Variants in NAA30 observed in about 807,000 individuals in gnomAD.
NAA30 encodes the protein N-alpha-acetyltransferase 30, NatC catalytic subunit, also known as N-alpha-acetyltransferase 30.
NAA30 carries 5 observed loss-of-function variants against 31.4 expected under a neutral mutation model. The observed-to-expected ratio is 0.16, with a 90% CI of 0.08 to 0.33. NAA30 has a LOEUF of 0.33. Ranked by LOEUF, NAA30 falls within the 10% of genes least tolerant of loss-of-function variation. NAA30 has a pLI of 1.00. For missense variants in NAA30, 428 were observed against 490.8 expected (o/e 0.87, Z 1.21); for synonymous variants, 222 against 207.1 (o/e 1.07, Z -0.62).
Position 57,415,219 on chromosome 14 carries a change from A to G in NAA30, c.*5703A>G, listed in dbSNP as rs532796662. ...TGTGTTACATAGTAAATCAATTTGA[A>G]ATTTCTTAAAAACGTTTATAAGACT... On this transcript the variant is annotated 3_prime_UTR_variant, in exon 5 of 5. Coordinates refer to ENST00000556492, the MANE Select transcript of NAA30 (RefSeq NM_001011713.3). The G allele has an allele frequency of 1.3e-5, 2 of 152,340 alleles. No individual in the cohort carries two copies. The highest frequency in any genetic ancestry group is 2.1e-4 in the South Asian group (1 of 4,832). 9.4% of individuals were successfully genotyped at this position (152,340 alleles called of 1,614,324 possible). A position where few individuals can be genotyped will look rare whatever the true frequency, so the allele number is the denominator to read the frequency against.
In NAA30 at chr14:57,399,472, A is replaced by G. The variant is rs2066464534; in HGVS notation, c.896-356A>G. Among the ~76,000 whole-genome samples, 3 of 152,192 alleles carry G rather than the reference A, an allele frequency of 2.0e-5. No individual in the cohort carries two copies. The South Asian group carries it at 6.2e-4, about 31-fold the overall frequency. ...TTATGCAGTAAGTTCTGGCCAACTC[A>G]CGGGGAGTTCCTGCGTTGTTCTGGC... On this transcript the variant is annotated intron_variant, in intron 3 of 4. Coordinates refer to ENST00000556492, the MANE Select transcript of NAA30 (RefSeq NM_001011713.3).
At chr14:57,395,598 C>T (rs2066447082) in intron 2 of NAA30, among the ~76,000 whole-genome samples, 1 of 152,088 alleles carries the variant, frequency 6.6e-6, no homozygotes, top group African/African-American at 2.4e-5. Context: ...TCAATGGTAA[C>T]ACTAGAAATC....
rs752722267 is a variant in NAA30 at position 57,404,728 on chromosome 14, T to TA, written c.952-4650dup. Among the ~76,000 whole-genome samples, 117 of 152,264 alleles carry TA rather than the reference T, an allele frequency of 7.7e-4. No individual in the cohort carries two copies. The Middle Eastern group carries it at 0.031, about 40-fold the overall frequency. ...AGGCAAGGAGGAGCAAGTCGCATCT[T>TA]ACGTGGATGGTGGCAGGCAAAGAGA... On this transcript the variant is annotated intron_variant, in intron 4 of 4. Transcript: ENST00000556492.
rs1423502108 is a variant in NAA30 at position 57,391,442 on chromosome 14, C to A, written c.485C>A (p.Pro162His). The change falls in exon 2 of 5, where the codon CCC (proline) becomes CAC (histidine). Residue 162 changes from proline (P) to histidine (H), a missense_variant. Pro to His is a moderately conservative substitution (Grantham distance 77). Transcript: ENST00000556492. The surrounding 1 kb of genome is among the most constrained non-coding windows in gnomAD (Gnocchi z 4.1). The stretch of plus-strand genomic sequence containing the variant: ...GTGGAGGCAGCGGCGGCGAGCGATC[C>A]CGCGGCGGCCCGCAATGGACTGGCC... The part of the protein sequence containing the change: ...SPVEAAAASD[P>H]AAARNGLAEG... 19 of 1,607,514 alleles carry A rather than the reference C, an allele frequency of 1.2e-5. No individual in the cohort carries two copies. The highest frequency in any genetic ancestry group is 1.6e-5 in the Non-Finnish European group (19 of 1,177,254).
Position 57,391,797 on chromosome 14 carries a change from GC to G in NAA30, c.771+72del. The G allele has an allele frequency of 7.6e-7, 1 of 1,309,394 alleles. No individual in the cohort carries two copies. Among genetic ancestry groups the G allele is most frequent in the Non-Finnish European group, 1.1e-6 (1 of 946,158 alleles). 81.1% of individuals were successfully genotyped at this position (1,309,394 alleles called of 1,614,324 possible). On this transcript the variant is annotated intron_variant, in intron 2 of 4. Transcript: ENST00000556492. This position sits in a 1 kb window ranked among gnomAD's most constrained non-coding sequence, Gnocchi z 4.1. ...AGACTGTGCGGGGCAGGGAGTGAGG[GC>G]CCAGAATGTGGCAGTGGATATCTCC...
At chr14:57,409,258 A>G (rs2066512921) in intron 4 of NAA30, 121 bp from the exon 5 acceptor site, 2 of 810,134 alleles carry the variant, frequency 2.5e-6, no homozygotes, top group South Asian at 4.0e-5. Context: ...TCTGTATATT[A>G]TTTATTGTTT....
intron 3 of NAA30, 108 bp downstream of exon 3, chr14:57,396,983 G>GGGAA (rs1320301803): frequency 5.6e-6 from 6 of 1,080,612 alleles, no homozygotes; most frequent in Non-Finnish European, 7.6e-6. Context: ...AAGAAACTAA[G>GGGAA]GGAAGAAAAT....
intron 4 of NAA30, among the ~76,000 whole-genome samples, chr14:57,406,987 G>T (rs1255308646): frequency 1.3e-5 from 2 of 152,032 alleles, no homozygotes; most frequent in Non-Finnish European, 2.9e-5. Context: ...CAACCCCCTC[G>T]GCTCAAGTGA....
At chr14:57,400,451 A>G (rs2066470543) in intron 4 of NAA30, among the ~76,000 whole-genome samples, 1 of 152,192 alleles carries the variant, frequency 6.6e-6, no homozygotes, top group African/African-American at 2.4e-5. Context: ...TGCATGATAA[A>G]TATTGGTGAT....
rs1345452491 is a variant in NAA30 at position 57,390,597 on chromosome 14, G to C, written c.-110G>C. 3.5e-6 allele frequency: 1 copy of C among 289,792 alleles called. No homozygotes were observed. Among genetic ancestry groups the C allele is most frequent in the Non-Finnish European group, 6.4e-6 (1 of 156,620 alleles). 18.0% of individuals were successfully genotyped at this position (289,792 alleles called of 1,614,324 possible). On this transcript the variant is annotated 5_prime_UTR_variant, in exon 1 of 5. Coordinates refer to ENST00000556492, the MANE Select transcript of NAA30 (RefSeq NM_001011713.3). ...AGCTGAGGCGCTTTACGGCGACGGC[G>C]GCTGAGTGAGAACCTTGGCGGCTGT...
rs747944275 is a variant in NAA30, at chr14:57,411,417, C to T, written c.*1901C>T. ...TAATATGAAGGAAATGGAACTAAAACATTTATGTCATCAAATTTTATTTCA... is the reference window on the plus strand; with the variant it reads ...TAATATGAAGGAAATGGAACTAAAATATTTATGTCATCAAATTTTATTTCA... On this transcript the variant is annotated 3_prime_UTR_variant, in exon 5 of 5. Coordinates refer to ENST00000556492, the MANE Select transcript of NAA30 (RefSeq NM_001011713.3). The T allele has an allele frequency of 6.6e-6, 1 of 152,096 alleles. No individual in the cohort carries two copies. Among genetic ancestry groups the T allele is most frequent in the Admixed American group, 6.6e-5 (1 of 15,266 alleles). 9.4% of individuals were successfully genotyped at this position (152,096 alleles called of 1,614,324 possible).
chr14:57,404,843 G>T (rs58369405), intron 4 of NAA30, among the ~76,000 whole-genome samples: 2,157 of 152,240 alleles, frequency 0.014, 61 homozygotes, highest in African/African-American at 0.049. Flanking sequence ...GGAACGACTT[G>T]CCCCATGATT....
chr14:57,390,757 C>T, intron 1 of NAA30, 52 bp downstream of exon 1: 1 of 456,354 alleles, frequency 2.2e-6, no homozygotes, highest in Non-Finnish European at 3.6e-6. Flanking sequence ...TGGGCCCGGG[C>T]GGACGGGGAC....
At chr14:57,393,337 C>T (rs1385793877) in intron 2 of NAA30, among the ~76,000 whole-genome samples, 1 of 152,078 alleles carries the variant, frequency 6.6e-6, no homozygotes, top group Non-Finnish European at 1.5e-5. Flanking sequence ...TGTATGTTAG[C>T]CTTTAGTAGC....
At chr14:57,399,698 G>C in intron 3 of NAA30, 130 bp from the exon 4 acceptor site, 1 of 648,732 alleles carries the variant, frequency 1.5e-6, no homozygotes, top group Non-Finnish European at 2.7e-6. Context: ...CATTTAATTT[G>C]AGGTAATCCG....
In NAA30 at chr14:57,411,141, AATAAAG is replaced by A. The variant is rs1171501377; in HGVS notation, c.*1629_*1634del. The A allele has an allele frequency of 5.2e-5, 8 of 152,424 alleles. No individual in the cohort carries two copies. Among genetic ancestry groups the A allele is most frequent in the African/African-American group, 1.9e-4 (8 of 41,434 alleles). The allele number at this position is 152,424 out of a possible 1,614,324, so 9.4% of individuals were successfully genotyped here. A position where few individuals can be genotyped will look rare whatever the true frequency, so the allele number is the denominator to read the frequency against. ...TGAACATAGTAACAAATACTTTAAA[AATAAAG>A]ATACACAATTTATATTTGAAAATAA... On this transcript the variant is annotated 3_prime_UTR_variant, in exon 5 of 5. Transcript: ENST00000556492.
intron 2 of NAA30, among the ~76,000 whole-genome samples, chr14:57,392,456 A>G (rs1260399488): frequency 6.6e-6 from 1 of 152,122 alleles, no homozygotes; most frequent in Admixed American, 6.5e-5. Context: ...GTGGCCAAAC[A>G]CTAGTAACAC....
rs538294882 is a variant in NAA30, at chr14:57,413,547, G to C, written c.*4031G>C. 1 of 152,434 alleles carries C rather than the reference G, an allele frequency of 6.6e-6. No individual in the cohort carries two copies. Among genetic ancestry groups the C allele is most frequent in the Non-Finnish European group, 1.5e-5 (1 of 68,340 alleles). 9.4% of individuals were successfully genotyped at this position (152,434 alleles called of 1,614,324 possible). On this transcript the variant is annotated 3_prime_UTR_variant, in exon 5 of 5. Transcript: ENST00000556492. ...CACTCTGTTGCCCAGGCTGGAGTGC[G>C]GTGGCACAATCTTGGCTCACTGCAA... is the stretch of plus-strand genomic sequence containing the variant.
intron 4 of NAA30, among the ~76,000 whole-genome samples, chr14:57,407,975 C>T (rs2066506502): frequency 1.3e-5 from 2 of 152,084 alleles, no homozygotes; most frequent in African/African-American, 4.8e-5. Context: ...AAGATGACTC[C>T]TGGGTTTCAG....
Sources: gnomAD v4.1 joint callset for allele counts (sites outside exome capture counted in the v4.1 genomes callset) on GRCh38, gnomAD v4.1.1 for gene constraint, Gnocchi (gnomAD v3.1) non-coding constraint, MANE v1.5 for transcripts, NCBI Gene and HGNC (gene_info 2026-07-23, HGNC 2026-07-21) for gene names.